Variants in GRM1 observed in about 807,000 individuals in gnomAD.
The protein encoded by GRM1 is metabotropic glutamate receptor 1.
Under a neutral mutation model 90.9 loss-of-function variants are expected in GRM1, and 33 were observed. The ratio of observed to expected loss-of-function variants is 0.36; its 90% CI spans 0.28 to 0.49. GRM1 has a LOEUF of 0.49. GRM1 is among the 20% of genes least tolerant of loss of function. GRM1 has a pLI of 0.99. For missense variants in GRM1, 1,190 were observed against 1,534.3 expected, an observed-to-expected ratio of 0.78 and a Z score of 3.75; for synonymous variants, 700 against 613.2, an observed-to-expected ratio of 1.14 and a Z score of -2.09.
intron 7 of GRM1, among the ~76,000 whole-genome samples, chr6:146,424,006 C>A (rs149698431): frequency 1.3e-5 from 2 of 152,298 alleles, no homozygotes; most frequent in African/African-American, 4.8e-5. Flanking sequence ...CATTTTGTGA[C>A]TGCACGTGCT....
In GRM1 at chr6:146,112,949, C is replaced by T. The variant is rs117496739; in HGVS notation, c.701-46399C>T. Among the ~76,000 whole-genome samples, 551 of 152,248 alleles carry T rather than the reference C, an allele frequency of 3.6e-3. 2 individuals are homozygous for T. The highest frequency in any genetic ancestry group is 5.7e-3 in the Non-Finnish European group (387 of 67,996). On this transcript the variant is annotated intron_variant, in intron 1 of 7. Coordinates refer to ENST00000282753, the MANE Select transcript of GRM1 (RefSeq NM_001278064.2). ...GCTCACTTTGGAAACAATCAATAGA[C>T]AGGGTAAAACTTTAATAAGTTAAAG...
At position 146,435,077 on chromosome 6, in the gene GRM1, T is replaced by G; in HGVS notation, c.*281T>G. ...TGACAAAGCACAATTCCATATGGTA[T>G]GTAACTTTTATCACAAATCAAATAG... On this transcript the variant is annotated 3_prime_UTR_variant, in exon 8 of 8. Transcript: ENST00000282753. The G allele has an allele frequency of 1.8e-6, 1 of 554,974 alleles. No individual in the cohort carries two copies. Among genetic ancestry groups the G allele is most frequent in the Non-Finnish European group, 3.2e-6 (1 of 308,690 alleles). 34.4% of individuals were successfully genotyped at this position (554,974 alleles called of 1,614,324 possible). A position where few individuals can be genotyped will look rare whatever the true frequency, so the allele number is the denominator to read the frequency against.
At chr6:146,340,359 G>A (rs1049713906) in intron 3 of GRM1, 5 of 152,146 alleles carry the variant, frequency 3.3e-5, no homozygotes, top group African/African-American at 1.2e-4. Flanking sequence ...CTTGTCCCTT[G>A]TTGAAGGGTA....
At chr6:146,212,496 A>G (rs1015414102) in intron 2 of GRM1, among the ~76,000 whole-genome samples, 7 of 152,208 alleles carry the variant, frequency 4.6e-5, no homozygotes, top group Non-Finnish European at 1.0e-4. Context: ...TAAACCAGAT[A>G]TTAATGCTCC....
At chr6:146,282,217 A>T (rs147085751) in intron 2 of GRM1, among the ~76,000 whole-genome samples, 2 of 152,284 alleles carry the variant, frequency 1.3e-5, no homozygotes, top group African/African-American at 4.8e-5. Flanking sequence ...ACTTCCCATT[A>T]TCTAATATTT....
In GRM1 at chr6:146,090,687, C is replaced by G. The variant is rs555266391; in HGVS notation, c.700+60470C>G. ...ACTATGATTGCTAAGCCCCACACTC[C>G]CTCAACAGTTAAAAATCAGCCACAC... On this transcript the variant is annotated intron_variant, in intron 1 of 7. Transcript: ENST00000282753. Among the ~76,000 whole-genome samples, 53 of 152,138 alleles carry G rather than the reference C, an allele frequency of 3.5e-4. 1 individual carries two copies. In the South Asian group the frequency reaches 9.7e-3, roughly 28 times the overall value.
At chr6:146,059,747 C>T (rs1218142980) in intron 1 of GRM1, among the ~76,000 whole-genome samples, 1 of 152,294 alleles carries the variant, frequency 6.6e-6, no homozygotes, top group East Asian at 1.9e-4. Flanking sequence ...ACTTGTACAT[C>T]AGCACTTGCT....
At chr6:146,288,583 G>A (rs923155704) in intron 2 of GRM1, among the ~76,000 whole-genome samples, 3 of 152,252 alleles carry the variant, frequency 2.0e-5, no homozygotes, top group Non-Finnish European at 4.4e-5. Context: ...TCGGCTCACT[G>A]CAACCTCCGC....
chr6:146,055,697 G>A (rs1166543786), intron 1 of GRM1, among the ~76,000 whole-genome samples: 3 of 151,902 alleles, frequency 2.0e-5, no homozygotes, highest in Non-Finnish European at 2.9e-5. Context: ...AATTTCCCTC[G>A]GCAGCTGTAA....
At chr6:146,358,528 G>T (rs362897) in intron 5 of GRM1, among the ~76,000 whole-genome samples, 4 of 152,278 alleles carry the variant, frequency 2.6e-5, no homozygotes, top group South Asian at 2.1e-4. Flanking sequence ...TCACGTAAAT[G>T]TCTCACAGCA....
chr6:146,398,857 T>C lies in GRM1; in HGVS notation c.1818T>C (p.Val606=), dbSNP rs1199644592. 6.2e-7 allele frequency: 1 copy of C among 1,613,732 alleles called. No individual in the cohort carries two copies. The highest frequency in any genetic ancestry group is 2.2e-5 in the East Asian group (1 of 44,888). Residue 606 remains valine (V), a synonymous_variant, in exon 7 of 8, where the codon GTT becomes GTC. Transcript: ENST00000282753. ...AIAFSCLGIL[V]TLFVTLIFVL... is the part of the protein sequence containing the mutation. ...CCTTTTCATGCCTGGGAATCCTTGT[T>C]ACCTTGTTTGTCACCCTAATCTTTG...
At chr6:146,104,149 A>C (rs201739851) in intron 1 of GRM1, among the ~76,000 whole-genome samples, 1 of 152,096 alleles carries the variant, frequency 6.6e-6, no homozygotes, top group East Asian at 1.9e-4. Context: ...CTAAAGAAGG[A>C]GTGGTTGCCA....
chr6:146,236,586 C>A (rs1780653405), intron 2 of GRM1, among the ~76,000 whole-genome samples: 1 of 152,058 alleles, frequency 6.6e-6, no homozygotes, highest in Non-Finnish European at 1.5e-5. Context: ...CTCAAGGGTT[C>A]TTCTTCTCCC....
intron 3 of GRM1, among the ~76,000 whole-genome samples, chr6:146,348,506 A>G (rs929612433): frequency 6.6e-6 from 1 of 152,250 alleles, no homozygotes; most frequent in African/African-American, 2.4e-5. Flanking sequence ...CTGGGTGTAC[A>G]GAGCCCAGGG....
At chr6:146,102,618 C>A (rs1777086808) in intron 1 of GRM1, among the ~76,000 whole-genome samples, 1 of 152,158 alleles carries the variant, frequency 6.6e-6, no homozygotes, top group Non-Finnish European at 1.5e-5. Context: ...CCATTTGGAG[C>A]ACTTATCAGC....
chr6:146,104,772 A>G (rs1777170937), intron 1 of GRM1, among the ~76,000 whole-genome samples: 1 of 152,192 alleles, frequency 6.6e-6, no homozygotes, highest in Non-Finnish European at 1.5e-5. Context: ...ACCATACTGT[A>G]AAAAATGACT....
At chr6:146,228,757 C>T (rs755026346) in intron 2 of GRM1, among the ~76,000 whole-genome samples, 6 of 152,164 alleles carry the variant, frequency 3.9e-5, no homozygotes, top group Non-Finnish European at 7.4e-5. Flanking sequence ...TGATATTTGA[C>T]AGTCTACCTC....
intron 2 of GRM1, among the ~76,000 whole-genome samples, chr6:146,246,436 G>A (rs543358087): frequency 6.6e-6 from 1 of 152,258 alleles, no homozygotes; most frequent in East Asian, 1.9e-4. Flanking sequence ...GGAAGGTACA[G>A]CTAATGATCT....
intron 1 of GRM1, among the ~76,000 whole-genome samples, chr6:146,035,535 A>G (rs1790859477): frequency 6.6e-6 from 1 of 152,030 alleles, no homozygotes; most frequent in Non-Finnish European, 1.5e-5. Context: ...AAACACCAAC[A>G]TTTACATTTA....
Sources: allele counts gnomAD v4.1 joint callset (sites outside exome capture counted in the v4.1 genomes callset), GRCh38; gene constraint gnomAD v4.1.1; transcripts MANE v1.5; gene names NCBI Gene and HGNC (gene_info 2026-07-23, HGNC 2026-07-21).